PRDM16: variants seen among roughly 807,000 people sequenced by gnomAD.
PRDM16 encodes histone-lysine N-methyltransferase PRDM16.
PRDM16 carries 23 observed loss-of-function variants against 110.6 expected under a neutral mutation model. The ratio of observed to expected loss-of-function variants is 0.21; its 90% CI spans 0.15 to 0.29. The LOEUF (loss-of-function observed/expected upper bound fraction) is 0.29, where lower values mean the gene tolerates loss of function less well. Among genes scored for constraint, PRDM16 ranks in the 10% least tolerant of loss-of-function variants. The pLI is 1.00. For synonymous variants in PRDM16, 799 were observed against 781.8 expected, an observed-to-expected ratio of 1.02 and a Z score of -0.37; for missense variants, 1,615 against 1,794.3, an observed-to-expected ratio of 0.90 and a Z score of 1.81.
intron 3 of PRDM16, among the ~76,000 whole-genome samples, chr1:3,351,330 T>C (rs990468233): frequency 6.6e-6 from 1 of 151,930 alleles, no homozygotes; most frequent in Non-Finnish European, 1.5e-5. Flanking sequence ...GAGGAACTCC[T>C]GCTCTCCTGG....
At chr1:3,191,801 ACAGTGCTAT>A (rs1638314593) in intron 2 of PRDM16, among the ~76,000 whole-genome samples, 1 of 152,124 alleles carries the variant, frequency 6.6e-6, no homozygotes, top group African/African-American at 2.4e-5. Context: ...AGCAGGAGGG[ACAGTGCTAT>A]GGGGCTTCAG....
At position 3,425,632 on chromosome 1, in the gene PRDM16, C is replaced by T. The variant is rs1230593041; in HGVS notation, c.2991C>T (p.His997=). 7.4e-6 allele frequency: 12 copies of T among 1,613,864 alleles called. No individual in the cohort carries two copies. The highest frequency in any genetic ancestry group is 1.6e-4 in the Middle Eastern group (1 of 6,084). Residue 997 remains histidine, a synonymous_variant, in exon 13 of 17, where the codon CAC becomes CAT. Transcript: ENST00000270722. The surrounding 1 kb of genome is among the most constrained non-coding windows in gnomAD (Gnocchi z 6.9). ...GCATCTCTTCGAACCTCCAGCGGCA[C>T]GTCCGGAACATCCACAACAAGGAGA... ...SFSISSNLQR[H]VRNIHNKEKP... is the part of the protein sequence containing the mutation.
At chr1:3,229,471 T>C (rs1291636353) in intron 2 of PRDM16, among the ~76,000 whole-genome samples, 1 of 152,228 alleles carries the variant, frequency 6.6e-6, no homozygotes, top group Non-Finnish European at 1.5e-5. Flanking sequence ...AGACAGATGG[T>C]GACCTTGTCA....
At chr1:3,264,727 G>C (rs1328876035) in intron 3 of PRDM16, among the ~76,000 whole-genome samples, 2 of 152,114 alleles carry the variant, frequency 1.3e-5, no homozygotes, top group East Asian at 3.9e-4. Context: ...GGGGCTTGCA[G>C]GTCCCATGTG....
intron 3 of PRDM16, among the ~76,000 whole-genome samples, chr1:3,381,099 C>A (rs1032465277): frequency 6.6e-6 from 1 of 152,218 alleles, no homozygotes; most frequent in Non-Finnish European, 1.5e-5. Context: ...CTGCTGGCTT[C>A]GGCCTTCTGC....
chr1:3,141,163 G>A (rs187785692), intron 1 of PRDM16, among the ~76,000 whole-genome samples: 356 of 152,246 alleles, frequency 2.3e-3, no homozygotes, highest in East Asian at 0.011. Context: ...TCCAGCTCTC[G>A]GTAAAACCAT....
intron 1 of PRDM16, among the ~76,000 whole-genome samples, chr1:3,161,630 A>G (rs1290426055): frequency 6.6e-6 from 1 of 152,186 alleles, no homozygotes; most frequent in Non-Finnish European, 1.5e-5. Flanking sequence ...CCACAATTAA[A>G]TGTCCCCTGC....
chr1:3,376,657 T>G (rs1404678877), intron 3 of PRDM16, among the ~76,000 whole-genome samples: 1 of 152,148 alleles, frequency 6.6e-6, no homozygotes. Flanking sequence ...GGCTTCCATC[T>G]TGGAGGAATG....
At chr1:3,346,023 G>C (rs970533461) in intron 3 of PRDM16, among the ~76,000 whole-genome samples, 1 of 152,246 alleles carries the variant, frequency 6.6e-6, no homozygotes, top group Non-Finnish European at 1.5e-5. Context: ...ATATCAAAGG[G>C]GGCATTGAGG....
Position 3,417,992 on chromosome 1 carries a change from G to A in PRDM16, c.2856G>A (p.Thr952=), listed in dbSNP as rs563342786. ...PILRKGKERY[T]CRYCGKIFPR... ...TCAGGAAGGGCAAGGAGCGATACAC[G>A]TGCAGGTGAGGGGCCCTTTGGTGCT... is the stretch of plus-strand genomic sequence containing the variant. Residue 952 remains threonine, a synonymous_variant, in exon 11 of 17, where the codon ACG becomes ACA. Coordinates refer to ENST00000270722, the MANE Select transcript of PRDM16 (RefSeq NM_022114.4). 2.7e-5 allele frequency: 43 copies of A among 1,586,080 alleles called. No individual in the cohort carries two copies. The African/African-American group carries it at 3.2e-4, about 12-fold the overall frequency.
rs16823573 is a variant in PRDM16 at position 3,231,547 on chromosome 1, G to A, written c.388-12540G>A. Reference sequence around the variant, plus strand: ...GTGTTTCTGGGACTCACAATGGGAAGCGCTGGCTTGGGGCCCAGGATTATT... The same window carrying A: ...GTGTTTCTGGGACTCACAATGGGAAACGCTGGCTTGGGGCCCAGGATTATT... On this transcript the variant is annotated intron_variant, in intron 2 of 16. Transcript: ENST00000270722. 8.1e-3 allele frequency among the ~76,000 whole-genome samples: 1,227 copies of A among 152,336 alleles called. 22 individuals are homozygous for A. The highest frequency in any genetic ancestry group is 0.028 in the African/African-American group (1,169 of 41,560).
intron 3 of PRDM16, among the ~76,000 whole-genome samples, chr1:3,260,292 C>G (rs1640131038): frequency 6.6e-6 from 1 of 152,192 alleles, no homozygotes; most frequent in Non-Finnish European, 1.5e-5. Context: ...GGCTGCCTCT[C>G]TGCTAAGCCT....
At chr1:3,429,021 G>A (rs1248842871) in intron 14 of PRDM16, among the ~76,000 whole-genome samples, 1 of 152,252 alleles carries the variant, frequency 6.6e-6, no homozygotes, top group Non-Finnish European at 1.5e-5. Context: ...GGATGGCCAA[G>A]GAGGGCCAAG....
At chr1:3,237,751 C>T (rs931581963) in intron 2 of PRDM16, among the ~76,000 whole-genome samples, 5 of 152,226 alleles carry the variant, frequency 3.3e-5, no homozygotes, top group African/African-American at 9.6e-5. Flanking sequence ...GGGCTGCCAG[C>T]GAACAGAGTG....
intron 3 of PRDM16, among the ~76,000 whole-genome samples, chr1:3,368,967 T>C (rs1040634329): frequency 6.6e-6 from 1 of 152,216 alleles, no homozygotes; most frequent in Non-Finnish European, 1.5e-5. Context: ...GGTTGGCGGA[T>C]GCAGTTCAGA....
chr1:3,233,956 G>A (rs888250751), intron 2 of PRDM16, among the ~76,000 whole-genome samples: 8 of 151,908 alleles, frequency 5.3e-5, no homozygotes, highest in Non-Finnish European at 7.4e-5. Context: ...GGCCTCTTGC[G>A]GGTGGGAGTG....
At chr1:3,092,089 T>A (rs1049278698) in intron 1 of PRDM16, among the ~76,000 whole-genome samples, 6 of 150,988 alleles carry the variant, frequency 4.0e-5, no homozygotes, top group Non-Finnish European at 5.9e-5. Flanking sequence ...CGCAGGATGC[T>A]CCCTGGGCCC....
intron 3 of PRDM16, among the ~76,000 whole-genome samples, chr1:3,303,537 T>C (rs6673393): frequency 0.12 from 18,110 of 152,136 alleles, 3,560 homozygotes; most frequent in African/African-American, 0.41. Flanking sequence ...CCAAGACAAG[T>C]GTTTGTGTCG....
chr1:3,213,569 T>G lies in PRDM16; in HGVS notation c.387+27095T>G, dbSNP rs560048268. On this transcript the variant is annotated intron_variant, in intron 2 of 16. Transcript: ENST00000270722. The surrounding 1 kb of genome is among the most constrained non-coding windows in gnomAD (Gnocchi z 5.3). ...TCGCCTCCCTGGGGGCACAGACACCTGGAACTCACTCTTTCTCCGAGGAAC... is the reference window on the plus strand; with the variant it reads ...TCGCCTCCCTGGGGGCACAGACACCGGGAACTCACTCTTTCTCCGAGGAAC... Among the ~76,000 whole-genome samples the G allele has an allele frequency of 2.4e-3, 364 of 152,258 alleles. 1 individual carries two copies. Among genetic ancestry groups the G allele is most frequent in the African/African-American group, 7.8e-3 (326 of 41,540 alleles).
Sources: allele counts gnomAD v4.1 joint callset (sites outside exome capture counted in the v4.1 genomes callset), GRCh38; gene constraint gnomAD v4.1.1; non-coding constraint Gnocchi (gnomAD v3.1); transcripts MANE v1.5; gene names NCBI Gene and HGNC (gene_info 2026-07-23, HGNC 2026-07-21).